The following PDZRN4 variants were observed in gnomAD, a reference collection of about 807,000 sequenced individuals.
The protein encoded by PDZRN4 is PDZ domain containing ring finger 4.
PDZRN4 carries 70 observed loss-of-function variants against 99.0 expected under a neutral mutation model. The observed-to-expected ratio is 0.71, with a 90% CI of 0.58 to 0.86. PDZRN4 has a LOEUF of 0.86. PDZRN4 is among the 40% of genes least tolerant of loss of function. The pLI, the probability that PDZRN4 is intolerant of heterozygous loss-of-function variation, is 0.00. For synonymous variants in PDZRN4, 551 were observed against 501.6 expected (o/e 1.10, Z -1.32); for missense variants, 1,474 against 1,331.2 (o/e 1.11, Z -1.67).
chr12:41,506,069 T>C (rs1938199803), intron 3 of PDZRN4, among the ~76,000 whole-genome samples: 2 of 152,114 alleles, frequency 1.3e-5, no homozygotes, highest in Non-Finnish European at 2.9e-5. Flanking sequence ...AAGACCTTGA[T>C]TAAATATTGA....
chr12:41,533,931 AT>A (rs139486407), intron 5 of PDZRN4, among the ~76,000 whole-genome samples: 141 of 151,618 alleles, frequency 9.3e-4, no homozygotes, highest in African/African-American at 3.0e-3. Flanking sequence ...TTCTCATCCA[AT>A]TTTTTTTCTC....
intron 3 of PDZRN4, among the ~76,000 whole-genome samples, chr12:41,215,909 C>T (rs552050341): frequency 4.2e-4 from 64 of 151,530 alleles, no homozygotes; most frequent in African/African-American, 1.4e-3. Context: ...CAGGATAGTA[C>T]GAGGATTTAG....
intron 3 of PDZRN4, among the ~76,000 whole-genome samples, chr12:41,425,348 T>C (rs1275089613): frequency 2.0e-5 from 3 of 151,198 alleles, no homozygotes; most frequent in African/African-American, 7.3e-5. Flanking sequence ...GGTGGAAGTA[T>C]AGCCAAGGAG....
chr12:41,373,010 T>C (rs1952054505), intron 3 of PDZRN4, among the ~76,000 whole-genome samples: 1 of 152,088 alleles, frequency 6.6e-6, no homozygotes, highest in East Asian at 1.9e-4. Context: ...AAGCTGGGTG[T>C]CCGGGGGAGA....
At chr12:41,197,932 G>GTTTTTTTTTTTTTTTTTTT (rs1187817105) in intron 3 of PDZRN4, among the ~76,000 whole-genome samples, 1 of 24,402 alleles carries the variant, frequency 4.1e-5, no homozygotes, top group African/African-American at 1.3e-4. Flanking sequence ...TTTTTTTTTT[G>GTTTTTTTTTTTTTTTTTTT]GAGACAGGAT....
rs530480291 is a variant in PDZRN4 at position 41,501,075 on chromosome 12, C to G, written c.844-5381C>G. On this transcript the variant is annotated intron_variant, in intron 3 of 9. Transcript: ENST00000402685. ...AATTATAATACACAAGTATTTTATA[C>G]TTATCCTCAATTTCAAATTCGGTTA... Among the ~76,000 whole-genome samples, 35 of 152,262 alleles carry G rather than the reference C, an allele frequency of 2.3e-4. 1 individual carries two copies. Among genetic ancestry groups the G allele is most frequent in the African/African-American group, 8.2e-4 (34 of 41,556 alleles).
intron 5 of PDZRN4, among the ~76,000 whole-genome samples, chr12:41,543,178 G>A (rs1424569322): frequency 1.3e-5 from 2 of 152,082 alleles, no homozygotes; most frequent in Non-Finnish European, 1.5e-5. Context: ...CTTGCCTCTT[G>A]ATTCATCCAA....
intron 3 of PDZRN4, among the ~76,000 whole-genome samples, chr12:41,225,160 A>G (rs905974511): frequency 6.6e-6 from 1 of 152,172 alleles, no homozygotes; most frequent in African/African-American, 2.4e-5. Flanking sequence ...ATAGTACATT[A>G]TGAATTAATT....
intron 3 of PDZRN4, among the ~76,000 whole-genome samples, chr12:41,376,780 T>A (rs1225804312): frequency 6.6e-6 from 1 of 152,186 alleles, no homozygotes; most frequent in Non-Finnish European, 1.5e-5. Context: ...GCTTTTAGTT[T>A]CATCTCCAAA....
At chr12:41,231,846 A>G (rs759206412) in intron 3 of PDZRN4, among the ~76,000 whole-genome samples, 1 of 152,034 alleles carries the variant, frequency 6.6e-6, no homozygotes, top group Non-Finnish European at 1.5e-5. Flanking sequence ...AAGCAGGCTG[A>G]TAATTCTTAT....
intron 3 of PDZRN4, among the ~76,000 whole-genome samples, chr12:41,251,677 T>C (rs1350662102): frequency 6.6e-6 from 1 of 152,358 alleles, no homozygotes; most frequent in African/African-American, 2.4e-5. Flanking sequence ...GAAGACCCTT[T>C]GTATATGATC....
chr12:41,468,634 CTTTT>C lies in PDZRN4; in HGVS notation c.844-37821_844-37818del, dbSNP rs1006375624. On this transcript the variant is annotated intron_variant, in intron 3 of 9. Coordinates refer to ENST00000402685, the MANE Select transcript of PDZRN4 (RefSeq NM_001164595.2). ...AAGTAAATTCCCTGCCTGCTTCTTTCTTTTGAGTTGTAGAAACTATGATTAATTT... is the reference window on the plus strand; with the variant it reads ...AAGTAAATTCCCTGCCTGCTTCTTTCGAGTTGTAGAAACTATGATTAATTT... Among the ~76,000 whole-genome samples the C allele has an allele frequency of 7.2e-5, 11 of 152,084 alleles. 1 individual carries two copies. In the East Asian group the frequency reaches 1.4e-3, roughly 19 times the overall value.
intron 7 of PDZRN4, among the ~76,000 whole-genome samples, chr12:41,559,795 G>C (rs1294606580): frequency 6.6e-6 from 1 of 152,152 alleles, no homozygotes; most frequent in Non-Finnish European, 1.5e-5. Context: ...CCCAGTGTTA[G>C]GTAATTGAAT....
chr12:41,431,603 A>G (rs1952586644), intron 3 of PDZRN4, among the ~76,000 whole-genome samples: 1 of 152,248 alleles, frequency 6.6e-6, no homozygotes, highest in Non-Finnish European at 1.5e-5. Context: ...CACAGGTGAC[A>G]GTGACAAGGC....
intron 3 of PDZRN4, among the ~76,000 whole-genome samples, chr12:41,364,066 A>G (rs1951980630): frequency 6.6e-6 from 1 of 152,114 alleles, no homozygotes; most frequent in African/African-American, 2.4e-5. Context: ...TAATATAATA[A>G]TACAAGGAAG....
intron 3 of PDZRN4, chr12:41,477,763 T>C: frequency 1.4e-6 from 1 of 727,036 alleles, no homozygotes; most frequent in Non-Finnish European, 2.4e-6. Flanking sequence ...TATCCTAGAA[T>C]AAACATGACA....
At chr12:41,375,350 G>C (rs1187404550) in intron 3 of PDZRN4, among the ~76,000 whole-genome samples, 2 of 152,100 alleles carry the variant, frequency 1.3e-5, no homozygotes, top group Non-Finnish European at 2.9e-5. Flanking sequence ...ATACAATTTT[G>C]TAAGTAGAAT....
chr12:41,492,100 C>T (rs1288378137), intron 3 of PDZRN4, among the ~76,000 whole-genome samples: 1 of 152,134 alleles, frequency 6.6e-6, no homozygotes, highest in Non-Finnish European at 1.5e-5. Flanking sequence ...ATATGTACAA[C>T]TTCTAAATCC....
chr12:41,567,895 A>T lies in PDZRN4; in HGVS notation c.1580A>T (p.Glu527Val), dbSNP rs1939404575. 6.3e-7 allele frequency: 1 copy of T among 1,590,220 alleles called. No individual in the cohort carries two copies. The highest frequency in any genetic ancestry group is 1.1e-5 in the South Asian group (1 of 89,694). Residue 527 changes from glutamate to valine, a missense_variant, in exon 9 of 10, where the codon GAG becomes GTG. Coordinates refer to ENST00000402685, the MANE Select transcript of PDZRN4 (RefSeq NM_001164595.2). The stretch of plus-strand genomic sequence containing the variant: ...ATGCAGCCCACTGCCAATGAGGTGG[A>T]GCAGGTAGGGCCAACAATTTGAACT... ...EAMQPTANEVEQPKKQEEEEG... is the reference protein window; with the variant it reads ...EAMQPTANEVVQPKKQEEEEG...
Sources: allele counts gnomAD v4.1 joint callset (sites outside exome capture counted in the v4.1 genomes callset), GRCh38; gene constraint gnomAD v4.1.1; transcripts MANE v1.5; gene names NCBI Gene and HGNC (gene_info 2026-07-23, HGNC 2026-07-21).